SLC6A13: variants seen among roughly 807,000 people sequenced by gnomAD.
The protein encoded by SLC6A13 is solute carrier family 6 member 13.
Under a neutral mutation model 72.9 loss-of-function variants are expected in SLC6A13, and 69 were observed. That is an observed-to-expected ratio of 0.95 (90% CI 0.78 to 1.16). The LOEUF is 1.16. SLC6A13 is among the 50% of genes most tolerant of loss of function. The pLI is 0.00. For missense variants in SLC6A13, 735 were observed against 760.5 expected (o/e 0.97, Z 0.39); for synonymous variants, 303 against 303.0 (o/e 1.00, Z 0.00).
chr12:235,354 C>T (rs1318168199), intron 6 of SLC6A13, 130 bp from the exon 7 acceptor site: 2 of 873,028 alleles, frequency 2.3e-6, no homozygotes, highest in East Asian at 5.3e-5. Flanking sequence ...GCTCCCAGCT[C>T]ATCCACAGCT....
chr12:228,723 A>G (rs1018535960), intron 7 of SLC6A13, among the ~76,000 whole-genome samples: 1 of 151,714 alleles, frequency 6.6e-6, no homozygotes, highest in Non-Finnish European at 1.5e-5. Context: ...GCTCACCCCT[A>G]CCAAAGTGGC....
At chr12:226,361 T>C (rs903855979) in intron 9 of SLC6A13, 29 bp downstream of exon 9, 4 of 1,613,074 alleles carry the variant, frequency 2.5e-6, no homozygotes, top group Admixed American at 3.3e-5. Flanking sequence ...CCAGGCTCAC[T>C]GCCTCCAGGC....
At chr12:248,771 C>A (rs1389898808) in intron 2 of SLC6A13, among the ~76,000 whole-genome samples, 1 of 152,110 alleles carries the variant, frequency 6.6e-6, no homozygotes, top group African/African-American at 2.4e-5. Flanking sequence ...AAAATTATAT[C>A]CACCAGCTCA....
At chr12:222,477 G>T in intron 13 of SLC6A13, 55 bp downstream of exon 13, 1 of 1,162,590 alleles carries the variant, frequency 8.6e-7, no homozygotes. Context: ...CTCTACCCCT[G>T]CTAGCCACCG....
chr12:222,767 G>GA, intron 12 of SLC6A13, 135 bp from the exon 13 acceptor site: 1 of 602,300 alleles, frequency 1.7e-6, no homozygotes, highest in Non-Finnish European at 2.9e-6. Context: ...TGTTCAAGTC[G>GA]TTGCTGGGAA....
At chr12:228,421 G>A (rs748202957) in intron 7 of SLC6A13, among the ~76,000 whole-genome samples, 2 of 152,156 alleles carry the variant, frequency 1.3e-5, no homozygotes, top group African/African-American at 4.8e-5. Flanking sequence ...CCCTGGCGAC[G>A]TGAGCACAAC....
intron 4 of SLC6A13, 125 bp from the exon 5 acceptor site, chr12:238,135 G>T (rs756737190): frequency 1.3e-5 from 20 of 1,550,398 alleles, no homozygotes; most frequent in Admixed American, 2.0e-5. Flanking sequence ...CCAGGCTAAG[G>T]TTATCTGTAC....
intron 9 of SLC6A13, 82 bp from the exon 10 acceptor site, chr12:224,595 GC>G: frequency 1.8e-6 from 2 of 1,120,450 alleles, no homozygotes; most frequent in Non-Finnish European, 2.7e-6. Flanking sequence ...CCAGCGTGGG[GC>G]CACAGAATAA....
chr12:246,132 A>AAAATAAATGAATAAATAAAT lies in SLC6A13; in HGVS notation c.203-2320_203-2319insATTTATTTATTCATTTATTT, dbSNP rs374765064. Among the ~76,000 whole-genome samples, 385 of 147,000 alleles carry AAAATAAATGAATAAATAAAT rather than the reference A, an allele frequency of 2.6e-3. 1 individual carries two copies. The highest frequency in any genetic ancestry group is 2.6e-3 in the Admixed American group (38 of 14,814). ...GACTCCATCTCAAAAAATAAAAGTA[A>AAAATAAATGAATAAATAAAT]AAATAAATAAATAAATAAATAAATA... On this transcript the variant is annotated intron_variant, in intron 2 of 14. Coordinates refer to ENST00000343164, the MANE Select transcript of SLC6A13 (RefSeq NM_016615.5).
chr12:225,343 G>A (rs1018451828), intron 9 of SLC6A13, among the ~76,000 whole-genome samples: 5 of 152,220 alleles, frequency 3.3e-5, no homozygotes, highest in African/African-American at 1.2e-4. Context: ...CTGGCGTACA[G>A]TCAACACTTA....
rs1565499847 is a variant in SLC6A13 at position 240,036 on chromosome 12, T to TA, written c.479-2027dup. 2.0e-5 allele frequency among the ~76,000 whole-genome samples: 3 copies of TA among 152,274 alleles called. No individual in the cohort carries two copies. In the East Asian group the frequency reaches 5.8e-4, roughly 29 times the overall value. ...TAATGAAGCCCTGAAGCAAAAGCTC[T>TA]AGGCCACCAAAAATTGACAAAATTG... On this transcript the variant is annotated intron_variant, in intron 4 of 14. Coordinates refer to ENST00000343164, the MANE Select transcript of SLC6A13 (RefSeq NM_016615.5).
At chr12:256,246 C>A (rs534503206) in intron 2 of SLC6A13, among the ~76,000 whole-genome samples, 1 of 152,162 alleles carries the variant, frequency 6.6e-6, no homozygotes, top group Non-Finnish European at 1.5e-5. Context: ...GTATCCCAAC[C>A]ACCTAGAACA....
At chr12:256,202 G>T (rs910913730) in intron 2 of SLC6A13, among the ~76,000 whole-genome samples, 2 of 152,118 alleles carry the variant, frequency 1.3e-5, no homozygotes, top group Non-Finnish European at 2.9e-5. Context: ...TATGCCCTAT[G>T]AGGACAGGGA....
rs148417518 is a variant in SLC6A13, at chr12:242,534, C to T, written c.478+80G>A. Reference sequence around the variant, plus strand: ...TGATTTCTGGTGTGTCCGTGTTAAGCGGGGATATAGTGACAAGCCCAATTC... The same window carrying T: ...TGATTTCTGGTGTGTCCGTGTTAAGTGGGGATATAGTGACAAGCCCAATTC... On this transcript the variant is annotated intron_variant, in intron 4 of 14. Coordinates refer to ENST00000343164, the MANE Select transcript of SLC6A13 (RefSeq NM_016615.5). 1.5e-3 allele frequency: 1,850 copies of T among 1,272,232 alleles called. 9 individuals carry two copies. The African/African-American group carries it at 0.021, about 14-fold the overall frequency. The allele number at this position is 1,272,232 out of a possible 1,614,324, so 78.8% of individuals were successfully genotyped here.
intron 5 of SLC6A13, 74 bp from the exon 6 acceptor site, chr12:237,364 G>A: frequency 6.5e-7 from 1 of 1,538,086 alleles, no homozygotes; most frequent in Non-Finnish European, 8.9e-7. Context: ...CTGGGACAGT[G>A]GAGCTGAGCC....
chr12:223,382 T>TAA (rs1296741374), intron 11 of SLC6A13, 148 bp from the exon 12 acceptor site: 15 of 540,524 alleles, frequency 2.8e-5, no homozygotes, highest in Non-Finnish European at 4.3e-5. Flanking sequence ...AAGTAATTTG[T>TAA]AAGCCATAAA....
At chr12:224,178 C>G (rs749824728) in intron 10 of SLC6A13, 49 bp from the exon 11 acceptor site, 43 of 1,610,012 alleles carry the variant, frequency 2.7e-5, no homozygotes, top group Non-Finnish European at 3.3e-5. Flanking sequence ...TCCCGAGATG[C>G]CCTGTCCATG....
At chr12:221,615 C>T in intron 13 of SLC6A13, 69 bp from the exon 14 acceptor site, 2 of 1,053,248 alleles carry the variant, frequency 1.9e-6, no homozygotes, top group Non-Finnish European at 2.8e-6. Flanking sequence ...CCCCCGCTCC[C>T]CAGCAGCCTG....
In SLC6A13 at chr12:242,630, G is replaced by T. The variant is rs1942206143; in HGVS notation, c.462C>A (p.Tyr154Ter). The change falls in exon 4 of 15, where the codon TAC (tyrosine) becomes TAA (stop). Residue 154 changes from tyrosine (Y) to a stop codon, truncating the protein, a stop_gained. Transcript: ENST00000343164. LOFTEE classifies it high-confidence loss of function. Reference protein sequence around the residue: ...FTIDLPWGGCYHEWNTEHCME... With the variant: ...FTIDLPWGGC Reference sequence around the variant, plus strand: ...GGACCATACCTGTGTTCCACTCATGGTAGCAGCCGCCCCAGGGCAGGTCGA... The same window carrying T: ...GGACCATACCTGTGTTCCACTCATGTTAGCAGCCGCCCCAGGGCAGGTCGA... The T allele has an allele frequency of 6.2e-7, 1 of 1,613,806 alleles. No homozygotes were observed. Among genetic ancestry groups the T allele is most frequent in the Non-Finnish European group, 8.5e-7 (1 of 1,179,840 alleles).
Sources: gnomAD v4.1 joint callset for allele counts (sites outside exome capture counted in the v4.1 genomes callset) on GRCh38, gnomAD v4.1.1 for gene constraint, MANE v1.5 for transcripts, NCBI Gene and HGNC (gene_info 2026-07-23, HGNC 2026-07-21) for gene names.